Variants in SEC13 observed in about 807,000 individuals in gnomAD.
SEC13 encodes protein SEC13 homolog.
Under a neutral mutation model 49.2 loss-of-function variants are expected in SEC13, and 25 were observed. That is an observed-to-expected ratio of 0.51 (90% CI 0.37 to 0.71). SEC13 has a LOEUF of 0.71. Ranked by LOEUF, SEC13 falls within the 30% of genes least tolerant of loss-of-function variation. The pLI is 0.00. For synonymous variants in SEC13, 148 were observed against 163.9 expected (o/e 0.90, Z 0.74); for missense variants, 383 against 417.6 (o/e 0.92, Z 0.72).
At chr3:10,304,540 AAAG>A (rs1239631813) in intron 7 of SEC13, among the ~76,000 whole-genome samples, 3 of 152,162 alleles carry the variant, frequency 2.0e-5, no homozygotes, top group African/African-American at 7.2e-5. Context: ...CACAAGTAAA[AAAG>A]CACAAAAATC....
At chr3:10,305,916 C>G (rs1700847178) in intron 5 of SEC13, 1 of 425,988 alleles carries the variant, frequency 2.3e-6, no homozygotes, top group Admixed American at 3.6e-5. Context: ...TTAAGAACTC[C>G]CACAAGTTTA....
chr3:10,305,633 G>A lies in SEC13; in HGVS notation c.510C>T (p.His170=). The change falls in exon 6 of 9, where the codon CAC becomes CAT. Residue 170 remains histidine (H), a synonymous_variant. Transcript: ENST00000350697. The stretch of plus-strand genomic sequence containing the variant: ...TGTAATTGGGTTTCTGCCCCGATGG[G>A]TGGTCTATGAGGCTTCCAGGTACAA... ...PAVVPGSLID[H]PSGQKPNYIK... The A allele has an allele frequency of 1.2e-6, 2 of 1,614,198 alleles. No homozygotes were observed. The highest frequency in any genetic ancestry group is 1.1e-5 in the South Asian group (1 of 91,082).
chr3:10,301,989 C>T (rs148026116), intron 8 of SEC13, among the ~76,000 whole-genome samples: 2 of 152,252 alleles, frequency 1.3e-5, no homozygotes, highest in African/African-American at 2.4e-5. Context: ...CGCCTGTAAT[C>T]TCAGCACTTT....
chr3:10,320,165 A>G (rs1441579685), intron 1 of SEC13, among the ~76,000 whole-genome samples: 1 of 152,188 alleles, frequency 6.6e-6, no homozygotes, highest in Non-Finnish European at 1.5e-5. Flanking sequence ...TCAGAGCATA[A>G]AAGCCTCAAC....
intron 2 of SEC13, among the ~76,000 whole-genome samples, chr3:10,317,348 T>C (rs147428880): frequency 6.6e-6 from 1 of 152,216 alleles, no homozygotes; most frequent in African/African-American, 2.4e-5. Context: ...GGTGGACAGG[T>C]TGTGAGGGCA....
intron 3 of SEC13, chr3:10,314,015 T>C (rs1366622879): frequency 3.9e-5 from 6 of 152,530 alleles, no homozygotes; most frequent in Non-Finnish European, 2.9e-5. Context: ...CTCTTAATCT[T>C]TTCTGTGCAT....
intron 5 of SEC13, 60 bp from the exon 6 acceptor site, chr3:10,305,752 C>T: frequency 6.3e-7 from 1 of 1,593,606 alleles, no homozygotes; most frequent in East Asian, 2.2e-5. Context: ...TCTGCAGACC[C>T]AAGCCTGCTG....
intron 6 of SEC13, 62 bp from the exon 7 acceptor site, chr3:10,305,218 A>G: frequency 6.5e-7 from 1 of 1,540,532 alleles, no homozygotes; most frequent in Non-Finnish European, 8.7e-7. Context: ...ACTCCTCCCC[A>G]ACCCAACAGG....
At chr3:10,304,862 G>A (rs977119407) in intron 7 of SEC13, among the ~76,000 whole-genome samples, 171 bp downstream of exon 7, 22 of 152,288 alleles carry the variant, frequency 1.4e-4, no homozygotes, top group Admixed American at 6.5e-4. Flanking sequence ...GGCCACTTGT[G>A]GCTTCTGACC....
intron 1 of SEC13, chr3:10,319,424 A>C (rs1347576810): frequency 5.8e-5 from 39 of 669,500 alleles, no homozygotes; most frequent in Non-Finnish European, 8.3e-5. Flanking sequence ...GGCACAGTCA[A>C]TCAGAGACCT....
intron 5 of SEC13, among the ~76,000 whole-genome samples, chr3:10,310,041 C>A (rs1267094825): frequency 1.4e-5 from 2 of 143,944 alleles, no homozygotes; most frequent in African/African-American, 5.2e-5. Context: ...TCTGGAGGAT[C>A]ACAGAGCTCA....
chr3:10,318,350 G>A lies in SEC13; in HGVS notation c.4-256C>T, dbSNP rs749285797. ...GATAAATTATTTAATGGTGGTTTGT[G>A]TGTCCTGTAGGAGCCTGAGGGGCTG... On this transcript the variant is annotated intron_variant, in intron 1 of 8. Transcript: ENST00000350697. Among the ~76,000 whole-genome samples, 9 of 152,018 alleles carry A rather than the reference G, an allele frequency of 5.9e-5. 1 individual carries two copies. Among genetic ancestry groups the A allele is most frequent in the South Asian group, 4.2e-4 (2 of 4,818 alleles).
chr3:10,318,166 C>A (rs1013033843), intron 1 of SEC13, 72 bp from the exon 2 acceptor site: 1 of 1,025,830 alleles, frequency 9.7e-7, no homozygotes, highest in East Asian at 2.4e-5. Flanking sequence ...TTCTTGACTG[C>A]ATTTGTTTGT....
At chr3:10,319,287 T>C in intron 1 of SEC13, 10 of 1,597,866 alleles carry the variant, frequency 6.3e-6, no homozygotes, top group Non-Finnish European at 8.5e-6. Context: ...CATCAGATTC[T>C]AGACTCTCTA....
At chr3:10,303,065 CAG>C (rs1426710264) in intron 8 of SEC13, among the ~76,000 whole-genome samples, 2 of 152,080 alleles carry the variant, frequency 1.3e-5, no homozygotes, top group Non-Finnish European at 2.9e-5. Flanking sequence ...TTAATGGGTA[CAG>C]AGTTTCAATT....
At position 10,315,443 on chromosome 3, in the gene SEC13, A is replaced by T; in HGVS notation, c.49-7T>A. On this transcript the variant is annotated splice_region_variant and splice_polypyrimidine_tract_variant and intron_variant, in intron 2 of 8. Transcript: ENST00000350697. ...AGTCCATCTGGGCGTCGTGCTGCAAAGGGAGGACAGCTCGGGAAGCCTGCA... is the reference window on the plus strand; with the variant it reads ...AGTCCATCTGGGCGTCGTGCTGCAATGGGAGGACAGCTCGGGAAGCCTGCA... 1 of 1,210,300 alleles carries T rather than the reference A, an allele frequency of 8.3e-7. No individual in the cohort carries two copies. The highest frequency in any genetic ancestry group is 1.1e-6 in the Non-Finnish European group (1 of 913,868). The allele number at this position is 1,210,300 out of a possible 1,614,324, so 75.0% of individuals were successfully genotyped here. A position where few individuals can be genotyped will look rare whatever the true frequency, so the allele number is the denominator to read the frequency against.
chr3:10,305,153 C>T lies in SEC13; in HGVS notation c.588G>A (p.Glu196=). 6.2e-7 allele frequency: 1 copy of T among 1,610,998 alleles called. No homozygotes were observed. The highest frequency in any genetic ancestry group is 8.5e-7 in the Non-Finnish European group (1 of 1,178,382). Residue 196 remains glutamate (E), a synonymous_variant, in exon 7 of 9, where the codon GAG becomes GAA. Coordinates refer to ENST00000350697, the MANE Select transcript of SEC13 (RefSeq NM_183352.3). Reference sequence around the variant, plus strand: ...CCTCCTTCCACTGGCCGTCCTCCTCCTCCCTAACAGTGGGGACAGAAAGAG... The same window carrying T: ...CCTCCTTCCACTGGCCGTCCTCCTCTTCCCTAACAGTGGGGACAGAAAGAG... ...GCDNLIKLWK[E]EEDGQWKEEQ...
chr3:10,309,098 T>C (rs937491784), intron 5 of SEC13, among the ~76,000 whole-genome samples: 3 of 151,846 alleles, frequency 2.0e-5, no homozygotes, highest in African/African-American at 7.3e-5. Flanking sequence ...CCACCACGTC[T>C]GGCTAATTTT....
chr3:10,311,858 G>T (rs1465979257), intron 5 of SEC13, 107 bp downstream of exon 5: 2 of 1,603,272 alleles, frequency 1.2e-6, no homozygotes, highest in Non-Finnish European at 1.7e-6. Flanking sequence ...CCACTCCCCG[G>T]CCCACTGTCC....
Sources: allele counts gnomAD v4.1 joint callset (sites outside exome capture counted in the v4.1 genomes callset), GRCh38; gene constraint gnomAD v4.1.1; transcripts MANE v1.5; gene names NCBI Gene and HGNC (gene_info 2026-07-23, HGNC 2026-07-21).